The following ZP3 variants were observed in gnomAD, a reference collection of about 807,000 sequenced individuals.
The protein encoded by ZP3 is zona pellucida glycoprotein 3.
In ZP3, 21 loss-of-function variants were observed where a neutral mutation model predicts 35.6. The ratio of observed to expected loss-of-function variants is 0.59; its 90% CI spans 0.42 to 0.85. ZP3 has a LOEUF of 0.85. Among genes scored for constraint, ZP3 ranks in the 40% least tolerant of loss-of-function variants. The pLI is 0.00. For synonymous variants in ZP3, 207 were observed against 214.5 expected, an observed-to-expected ratio of 0.96 and a Z score of 0.31; for missense variants, 437 against 536.5, an observed-to-expected ratio of 0.81 and a Z score of 1.83.
At position 76,400,628 on chromosome 7, in the gene ZP3, G is replaced by A. The variant is rs756335400; in HGVS notation, c.-67+2831G>A. The A allele has an allele frequency of 1.5e-5, 21 of 1,426,050 alleles. No individual in the cohort carries two copies. In the East Asian group the frequency reaches 5.7e-4, roughly 39 times the overall value. 88.3% of individuals were successfully genotyped at this position (1,426,050 alleles called of 1,614,324 possible). A position where few individuals can be genotyped will look rare whatever the true frequency, so the allele number is the denominator to read the frequency against. On this transcript the variant is annotated intron_variant, in intron 1 of 8. Coordinates refer to the ZP3 transcript ENST00000336517. ...GTGGAGCTGGCACCAGGGGGTCACT[G>A]AGTCCAACCTCCAGCATGCCCACTC...
intron 2 of ZP3, among the ~76,000 whole-genome samples, chr7:76,431,240 A>G (rs756033528): frequency 6.6e-6 from 1 of 152,160 alleles, no homozygotes; most frequent in Non-Finnish European, 1.5e-5. Flanking sequence ...GGAGGAGGAT[A>G]GAGGAGTCAA....
At chr7:76,433,124 T>TTTGGTTTTGGTTGGTTTTGG (rs57549964) in intron 3 of ZP3, 94 bp downstream of exon 3, 132,685 of 672,470 alleles carry the variant, frequency 0.2, 17,223 homozygotes, top group South Asian at 0.25. Context: ...TTTGTTTGGT[T>TTTGGTTTTGGTTGGTTTTGG]TTGGTTTTGG....
At chr7:76,435,491 G>GT (rs1805966199) in intron 5 of ZP3, among the ~76,000 whole-genome samples, 1 of 152,236 alleles carries the variant, frequency 6.6e-6, no homozygotes, top group South Asian at 2.1e-4. Flanking sequence ...GAGATGAGAG[G>GT]TGAGGCGGTG....
At position 76,425,050 on chromosome 7, in the gene ZP3, A is replaced by G. The variant is rs1257545106; in HGVS notation, c.86A>G (p.Gln29Arg). 3.1e-6 allele frequency: 5 copies of G among 1,609,268 alleles called. No individual in the cohort carries two copies. The highest frequency in any genetic ancestry group is 2.2e-5 in the East Asian group (1 of 44,784). Residue 29 changes from glutamine (Q) to arginine (R), a missense_variant, in exon 1 of 8, where the codon CAG becomes CGG. By Grantham distance (43) the Gln-to-Arg change is conservative. Around this residue, in one of 6 missense-constraint regions of ZP3, gnomAD observed 352 missense variants for 308.4 expected, o/e 1.14. Coordinates refer to ENST00000394857, the MANE Select transcript of ZP3 (RefSeq NM_001110354.2). ...LCYPQPLWLL[Q>R]GGASHPETSV... is the part of the protein sequence containing the mutation. Reference sequence around the variant, plus strand: ...TACCCCCAACCCCTCTGGCTCTTGCAGGGTGGAGCCAGCCATCCTGAGACG... The same window carrying G: ...TACCCCCAACCCCTCTGGCTCTTGCGGGGTGGAGCCAGCCATCCTGAGACG...
chr7:76,418,842 G>C lies in ZP3; in HGVS notation c.-66-6210G>C, dbSNP rs998308484. Among the ~76,000 whole-genome samples, 7 of 152,164 alleles carry C rather than the reference G, an allele frequency of 4.6e-5. No individual in the cohort carries two copies. In the East Asian group the frequency reaches 9.7e-4, roughly 21 times the overall value. ...CTGCACTCCAGCCTGGGCCACAGAGGGAGACTCTGTCTCAGAAAACAAAAG... is the reference window on the plus strand; with the variant it reads ...CTGCACTCCAGCCTGGGCCACAGAGCGAGACTCTGTCTCAGAAAACAAAAG... On this transcript the variant is annotated intron_variant, in intron 1 of 8. Transcript: ENST00000336517.
intron 1 of ZP3, among the ~76,000 whole-genome samples, chr7:76,411,059 C>A (rs1805231519): frequency 6.6e-6 from 1 of 150,974 alleles, no homozygotes; most frequent in African/African-American, 2.4e-5. Flanking sequence ...CACCATGCTG[C>A]AAAATCTCCA....
intron 1 of ZP3, among the ~76,000 whole-genome samples, chr7:76,427,953 C>T (rs1171486233): frequency 2.0e-5 from 3 of 152,034 alleles, no homozygotes; most frequent in Non-Finnish European, 4.4e-5. Flanking sequence ...GGATTACAGG[C>T]ATGAGCCACT....
At chr7:76,425,370 G>T (rs1445935661) in intron 1 of ZP3, 94 bp downstream of exon 1, 6 of 1,358,448 alleles carry the variant, frequency 4.4e-6, no homozygotes, top group Admixed American at 2.3e-5. Context: ...GGTGGGGTTG[G>T]GTGGATCCCT....
chr7:76,437,470 CTTTTTT>C (rs71521129), intron 5 of ZP3, among the ~76,000 whole-genome samples: 6 of 134,904 alleles, frequency 4.4e-5, no homozygotes, highest in South Asian at 4.6e-4. Context: ...ACACTCCCCT[CTTTTTT>C]TTTTTTTTTT....
intron 1 of ZP3, among the ~76,000 whole-genome samples, chr7:76,410,349 T>C (rs1805208925): frequency 7.8e-6 from 1 of 127,726 alleles, no homozygotes; most frequent in Admixed American, 8.2e-5. Context: ...CCTTCTTGTG[T>C]AGTTCTTTTT....
chr7:76,432,997 G>C lies in ZP3; in HGVS notation c.502G>C (p.Glu168Gln). ...CTTCAGGACCACGGTGTTCTCAGAG[G>C]AGAAGCTGACTTTCTCTCTGCGTCT... ...LPFRTTVFSEEKLTFSLRLME... is the reference protein window; with the variant it reads ...LPFRTTVFSEQKLTFSLRLME... Residue 168 changes from glutamate to glutamine, a missense_variant, in exon 3 of 8, where the codon GAG becomes CAG. Physicochemically the swap from Glu to Gln is conservative, Grantham distance 29. Coordinates refer to ENST00000394857, the MANE Select transcript of ZP3 (RefSeq NM_001110354.2). 6.2e-7 allele frequency: 1 copy of C among 1,614,134 alleles called. No individual in the cohort carries two copies. The highest frequency in any genetic ancestry group is 8.5e-7 in the Non-Finnish European group (1 of 1,180,022).
chr7:76,417,298 A>T (rs1419763088), intron 1 of ZP3, among the ~76,000 whole-genome samples: 1 of 152,126 alleles, frequency 6.6e-6, no homozygotes, highest in Non-Finnish European at 1.5e-5. Context: ...ACCTCAGGCT[A>T]TCGGCCCACC....
upstream of ZP3, among the ~76,000 whole-genome samples, chr7:76,421,590 C>T (rs1805506075): frequency 6.6e-6 from 1 of 151,556 alleles, no homozygotes; most frequent in African/African-American, 2.4e-5. Flanking sequence ...TATATACACA[C>T]ACATATATAT....
rs1013020351 is a variant in ZP3 at position 76,425,377 on chromosome 7, C to T, written c.312+101C>T. ...CGGTGGGAGGTGGGGTTGGGTGGATCCCTCTCACTTGTAGGTGGGGAGGTG... is the reference window on the plus strand; with the variant it reads ...CGGTGGGAGGTGGGGTTGGGTGGATTCCTCTCACTTGTAGGTGGGGAGGTG... On this transcript the variant is annotated intron_variant, in intron 1 of 7. Coordinates refer to ENST00000394857, the MANE Select transcript of ZP3 (RefSeq NM_001110354.2). 9 of 1,297,128 alleles carry T rather than the reference C, an allele frequency of 6.9e-6. No homozygotes were observed. The African/African-American group carries it at 7.4e-5, about 11-fold the overall frequency. The allele number at this position is 1,297,128 out of a possible 1,614,324, so 80.4% of individuals were successfully genotyped here.
At chr7:76,433,395 TC>T in intron 3 of ZP3, 74 bp from the exon 4 acceptor site, 1 of 1,505,026 alleles carries the variant, frequency 6.6e-7, no homozygotes, top group South Asian at 1.3e-5. Flanking sequence ...CCTCAGGTGA[TC>T]CACCTGCCTC....
At chr7:76,418,811 G>A (rs556872867) in intron 1 of ZP3, among the ~76,000 whole-genome samples, 16 of 152,206 alleles carry the variant, frequency 1.1e-4, no homozygotes, top group Middle Eastern at 3.4e-3. Flanking sequence ...AGCGGAGATC[G>A]CGCCACTGCA....
intron 1 of ZP3, among the ~76,000 whole-genome samples, chr7:76,410,115 C>G (rs890129195): frequency 5.3e-5 from 8 of 151,974 alleles, no homozygotes; most frequent in African/African-American, 1.7e-4. Flanking sequence ...TCCCTGCATC[C>G]TCCGCCTCCC....
At chr7:76,433,926 T>C in intron 4 of ZP3, 112 bp from the exon 5 acceptor site, 1 of 653,222 alleles carries the variant, frequency 1.5e-6, no homozygotes, top group Non-Finnish European at 2.7e-6. Context: ...CTCGAACTCC[T>C]GACCTCAAGT....
chr7:76,438,429 G>A (rs1200391083), intron 5 of ZP3, among the ~76,000 whole-genome samples: 5 of 151,972 alleles, frequency 3.3e-5, no homozygotes, highest in African/African-American at 9.7e-5. Context: ...GTGGTGGTGG[G>A]TACCCGTAAT....
Sources: allele counts gnomAD v4.1 joint callset (sites outside exome capture counted in the v4.1 genomes callset), GRCh38; gene constraint gnomAD v4.1.1; regional missense constraint gnomAD v4.1.1; transcripts MANE v1.5; gene names NCBI Gene and HGNC (gene_info 2026-07-23, HGNC 2026-07-21).